Variants in GBF1 observed in about 807,000 individuals in gnomAD.
GBF1 encodes Golgi-specific brefeldin A-resistance guanine nucleotide exchange factor 1.
A neutral mutation model predicts 210.5 loss-of-function variants in GBF1; 114 were observed. That is an observed-to-expected ratio of 0.54 (90% CI 0.47 to 0.63). GBF1 has a LOEUF of 0.63. GBF1 is among the 30% of genes least tolerant of loss of function. The pLI is 0.00. For synonymous variants in GBF1, 850 were observed against 889.2 expected (o/e 0.96, Z 0.78); for missense variants, 1,851 against 2,357.7 (o/e 0.79, Z 4.45).
chr10:102,230,936 G>T, the GBF1 span: 59 of 1,609,458 alleles, frequency 3.7e-5, no homozygotes, highest in Non-Finnish European at 4.5e-5. Context: ...GCGAGCGGCG[G>T]GGCAAGAGCC....
In GBF1 at chr10:102,369,940, A is replaced by G; in HGVS notation, c.3295A>G (p.Thr1099Ala). Residue 1099 changes from threonine to alanine, a missense_variant, in exon 26 of 40, where the codon ACT becomes GCT. Coordinates refer to ENST00000369983, the MANE Select transcript of GBF1 (RefSeq NM_001377137.1). ...PEQSSVRGPS[T>A]ENQEAKRVAL... The stretch of plus-strand genomic sequence containing the variant: ...GCAGTCTAGTGTTCGGGGCCCATCC[A>G]CTGAAAACCAAGAGGCCAAGAGAGT... The G allele has an allele frequency of 1.2e-6, 2 of 1,614,156 alleles. No individual in the cohort carries two copies. Among genetic ancestry groups the G allele is most frequent in the Non-Finnish European group, 1.7e-6 (2 of 1,180,012 alleles).
chr10:102,318,019 C>G (rs1304663921), intron 3 of GBF1, among the ~76,000 whole-genome samples: 1 of 152,170 alleles, frequency 6.6e-6, no homozygotes, highest in Non-Finnish European at 1.5e-5. Context: ...CGCCATTCTC[C>G]TGCCTCAGCC....
Position 102,365,600 on chromosome 10 carries a change from G to C in GBF1, c.2309+1G>C, listed in dbSNP as rs1300935218. The C allele has an allele frequency of 1.1e-5, 18 of 1,613,184 alleles. No individual in the cohort carries two copies. Among genetic ancestry groups the C allele is most frequent in the Non-Finnish European group, 1.4e-5 (16 of 1,179,186 alleles). The stretch of plus-strand genomic sequence containing the variant: ...TTGACCTGTTGGAGAGCTTTGTGAG[G>C]TGAGGAAGCTGTAAGAAATGTGGGA... On this transcript the variant is annotated splice_donor_variant, in intron 18 of 39. Coordinates refer to ENST00000369983, the MANE Select transcript of GBF1 (RefSeq NM_001377137.1). LOFTEE classifies it high-confidence loss of function.
chr10:102,353,529 T>A, intron 7 of GBF1, 71 bp from the exon 8 acceptor site: 1 of 1,054,964 alleles, frequency 9.5e-7, no homozygotes, highest in Non-Finnish European at 1.5e-6. Flanking sequence ...GCACCTTTGG[T>A]TTGTGGCTGG....
chr10:102,342,180 G>A (rs1420853809), intron 3 of GBF1, among the ~76,000 whole-genome samples: 2 of 151,726 alleles, frequency 1.3e-5, no homozygotes, highest in African/African-American at 2.4e-5. Context: ...GGGACTACAG[G>A]TGCCCACCAC....
In GBF1 at chr10:102,363,661, G is replaced by GT. The variant is rs1279850429; in HGVS notation, c.2018-48dup. On this transcript the variant is annotated intron_variant, in intron 16 of 39. Transcript: ENST00000369983. This position sits in a 1 kb window ranked among gnomAD's most constrained non-coding sequence, Gnocchi z 4.2. The stretch of plus-strand genomic sequence containing the variant: ...TGACCTTCCAAAAGTCCTTATCTGG[G>GT]TAAAAAAAGGTGTTACAGATATTTC... 1.7e-5 allele frequency: 21 copies of GT among 1,233,366 alleles called. No homozygotes were observed. In the Admixed American group the frequency reaches 3.6e-4, roughly 21 times the overall value. The allele number at this position is 1,233,366 out of a possible 1,614,324, so 76.4% of individuals were successfully genotyped here.
chr10:102,294,398 T>C lies in GBF1; in HGVS notation c.163+34282T>C, dbSNP rs112901103. 5.3e-5 allele frequency among the ~76,000 whole-genome samples: 8 copies of C among 151,418 alleles called. 1 individual carries two copies. The highest frequency in any genetic ancestry group is 1.5e-4 in the African/African-American group (6 of 41,332). ...TTTTTTTCTTTTTCTTTTTTTTTTT[T>C]TGAGACAGAGTCTTGCTCTGTCGCC... is the stretch of plus-strand genomic sequence containing the variant. On this transcript the variant is annotated intron_variant, in intron 3 of 39. Coordinates refer to ENST00000369983, the MANE Select transcript of GBF1 (RefSeq NM_001377137.1).
chr10:102,249,022 A>G (rs1050094473), intron 1 of GBF1, among the ~76,000 whole-genome samples: 8 of 152,136 alleles, frequency 5.3e-5, no homozygotes, highest in African/African-American at 1.7e-4. Context: ...CACTCTTTCT[A>G]TTTTTCAGGA....
At chr10:102,233,301 C>CTTT in the GBF1 span, among the ~76,000 whole-genome samples, 1 of 88,390 alleles carries the variant, frequency 1.1e-5, no homozygotes, top group African/African-American at 5.5e-5. Flanking sequence ...TTTTTTTTTC[C>CTTT]TTCTTTTTTT....
the GBF1 span, among the ~76,000 whole-genome samples, chr10:102,232,475 G>A: frequency 1.3e-5 from 2 of 152,196 alleles, no homozygotes; most frequent in Admixed American, 1.3e-4. Flanking sequence ...CTGAGGTCAG[G>A]AGTTCGAGAC....
At chr10:102,357,566 C>G (rs1488714671) in intron 8 of GBF1, among the ~76,000 whole-genome samples, 1 of 152,020 alleles carries the variant, frequency 6.6e-6, no homozygotes, top group Non-Finnish European at 1.5e-5. Flanking sequence ...AAGGAATAGG[C>G]TCTTATAGTT....
intron 3 of GBF1, among the ~76,000 whole-genome samples, chr10:102,338,675 G>A (rs982587283): frequency 1.3e-5 from 2 of 151,916 alleles, no homozygotes; most frequent in Non-Finnish European, 2.9e-5. Flanking sequence ...GGCTGGGTGC[G>A]GTGGCTTACA....
Position 102,362,595 on chromosome 10 carries a change from C to T in GBF1, c.1807C>T (p.Gln603Ter). 2 of 1,614,198 alleles carry T rather than the reference C, an allele frequency of 1.2e-6. No homozygotes were observed. The highest frequency in any genetic ancestry group is 1.7e-6 in the Non-Finnish European group (2 of 1,180,028). Reference protein sequence around the residue: ...CQAKVLNSLTQQEKKETARPS... With the variant: ...CQAKVLNSLT ...GGCTAAAGTCCTCAACAGCCTCACC[C>T]AGCAAGAGAAGAAGGAGACAGCCAG... The change falls in exon 15 of 40, where the codon CAG (glutamine) becomes TAG (stop). Residue 603 changes from glutamine (Q) to a stop codon, truncating the protein, a stop_gained. Transcript: ENST00000369983. LOFTEE classifies it high-confidence loss of function.
chr10:102,353,783 G>A (rs2059138490), intron 8 of GBF1, 129 bp downstream of exon 8: 2 of 674,664 alleles, frequency 3.0e-6, no homozygotes, highest in African/African-American at 3.6e-5. Flanking sequence ...TCTAGAAGTA[G>A]CTCTCACTCC....
At chr10:102,314,039 G>T (rs1156691809) in intron 3 of GBF1, among the ~76,000 whole-genome samples, 1 of 151,800 alleles carries the variant, frequency 6.6e-6, no homozygotes, top group Non-Finnish European at 1.5e-5. Flanking sequence ...CCAGTTCTGT[G>T]CATGTAAAGT....
chr10:102,329,822 C>T (rs762964605), intron 3 of GBF1, among the ~76,000 whole-genome samples: 1 of 151,764 alleles, frequency 6.6e-6, no homozygotes, highest in Non-Finnish European at 1.5e-5. Context: ...TAAACTTATA[C>T]AATAGGCCAG....
At chr10:102,281,930 CT>C (rs772397261) in intron 3 of GBF1, among the ~76,000 whole-genome samples, 136 of 140,586 alleles carry the variant, frequency 9.7e-4, no homozygotes, top group Middle Eastern at 3.7e-3. Flanking sequence ...TCTTTCTTTT[CT>C]TTTTTTTTTT....
At chr10:102,377,706 A>G (rs1292302943) in intron 33 of GBF1, among the ~76,000 whole-genome samples, 1 of 152,180 alleles carries the variant, frequency 6.6e-6, no homozygotes, top group African/African-American at 2.4e-5. Flanking sequence ...GGTTCAAAAT[A>G]TACAAAAGGG....
chr10:102,237,356 C>T, the GBF1 span, among the ~76,000 whole-genome samples: 7 of 152,096 alleles, frequency 4.6e-5, no homozygotes, highest in Non-Finnish European at 8.8e-5. Context: ...TCTAAATAAT[C>T]AGCAGTGTTG....
Sources: allele counts gnomAD v4.1 joint callset (sites outside exome capture counted in the v4.1 genomes callset), GRCh38; gene constraint gnomAD v4.1.1; non-coding constraint Gnocchi (gnomAD v3.1); transcripts MANE v1.5; gene names NCBI Gene and HGNC (gene_info 2026-07-23, HGNC 2026-07-21).